The following ZNF136 variants were observed in gnomAD, a reference collection of about 807,000 sequenced individuals.
ZNF136 encodes zinc finger protein 136, also known as zinc finger protein 136 (clone pHZ-20).
A neutral mutation model predicts 11.4 loss-of-function variants in ZNF136; 8 were observed. The ratio of observed to expected loss-of-function variants is 0.70; its 90% CI spans 0.41 to 1.27. The LOEUF (loss-of-function observed/expected upper bound fraction) is 1.27, where lower values mean the gene tolerates loss of function less well. Ranked by LOEUF, ZNF136 falls within the 50% of genes most tolerant of loss-of-function variation. The probability of loss-of-function intolerance (pLI) is 0.01; values close to 1 mark genes in which losing one functional copy is unlikely to be tolerated. For synonymous variants in ZNF136, 190 were observed against 207.1 expected (o/e 0.92, Z 0.71); for missense variants, 590 against 656.5 (o/e 0.90, Z 1.11).
rs182459600 is a variant in ZNF136, at chr19:12,183,963, C to A, written c.4-1822C>A. Among the ~76,000 whole-genome samples the A allele has an allele frequency of 3.5e-3, 529 of 152,274 alleles. 8 individuals carry two copies. In the East Asian group the frequency reaches 0.039, roughly 11 times the overall value. ...TGGTGAATTCACCAATTTATTTTCA[C>A]CAATTTAGTGAAGATTCATCAAGCT... On this transcript the variant is annotated intron_variant, in intron 1 of 3. Coordinates refer to ENST00000343979, the MANE Select transcript of ZNF136 (RefSeq NM_003437.5).
At chr19:12,178,942 T>G (rs1914866871) in intron 1 of ZNF136, among the ~76,000 whole-genome samples, 1 of 150,836 alleles carries the variant, frequency 6.6e-6, no homozygotes, top group Non-Finnish European at 1.5e-5. Context: ...TGAGCCGAGA[T>G]CATGCCACTG....
At chr19:12,179,948 C>T (rs1914900722) in intron 1 of ZNF136, among the ~76,000 whole-genome samples, 1 of 152,044 alleles carries the variant, frequency 6.6e-6, no homozygotes, top group Non-Finnish European at 1.5e-5. Context: ...TCACTGCAAG[C>T]TCCACCTCCC....
rs767900233 is a variant in ZNF136 at position 12,187,455 on chromosome 19, T to C, written c.1077T>C (p.Thr359=). The stretch of plus-strand genomic sequence containing the variant: ...TTCAAATACATGAAAGGACTCACAC[T>C]GGAGAAAAACCTTATGAATGTAAGG... ...STFQIHERTH[T]GEKPYECKEC... Residue 359 remains threonine (T), a synonymous_variant, in exon 4 of 4, where the codon ACT becomes ACC. Transcript: ENST00000343979. 15 of 1,613,946 alleles carry C rather than the reference T, an allele frequency of 9.3e-6. No individual in the cohort carries two copies. Among genetic ancestry groups the C allele is most frequent in the Middle Eastern group, 1.6e-4 (1 of 6,062 alleles).
Position 12,187,330 on chromosome 19 carries a change from A to G in ZNF136, c.952A>G (p.Ser318Gly), listed in dbSNP as rs1915134694. 2 of 1,614,056 alleles carry G rather than the reference A, an allele frequency of 1.2e-6. No individual in the cohort carries two copies. Among genetic ancestry groups the G allele is most frequent in the Non-Finnish European group, 1.7e-6 (2 of 1,179,980 alleles). The change falls in exon 4 of 4, where the codon AGT (serine) becomes GGT (glycine). Residue 318 changes from serine (S) to glycine (G), a missense_variant. By Grantham distance (56) the Ser-to-Gly change is moderately conservative. Transcript: ENST00000343979. ...YECKQCGKAF[S>G]YLPSLRLHER... ...ATGCAAGCAGTGTGGGAAGGCCTTC[A>G]GTTATCTCCCCTCCCTTCGACTACA...
intron 1 of ZNF136, among the ~76,000 whole-genome samples, chr19:12,170,349 G>A (rs1332670637): frequency 6.6e-6 from 1 of 151,922 alleles, no homozygotes; most frequent in African/African-American, 2.4e-5. Context: ...TGTTGCCAAT[G>A]TAATTGTTGT....
At chr19:12,163,397 G>A (rs269811) in intron 1 of ZNF136, among the ~76,000 whole-genome samples, 191 bp downstream of exon 1, 7,090 of 152,322 alleles carry the variant, frequency 0.047, 537 homozygotes, top group African/African-American at 0.16. Flanking sequence ...GACCCCGGGC[G>A]TCCTCGTCCC....
rs1915107826 is a variant in ZNF136, at chr19:12,186,851, A to G, written c.473A>G (p.His158Arg). 1.9e-6 allele frequency: 3 copies of G among 1,614,040 alleles called. No homozygotes were observed. Among genetic ancestry groups the G allele is most frequent in the Admixed American group, 1.7e-5 (1 of 59,996 alleles). Residue 158 changes from histidine (H) to arginine (R), a missense_variant, in exon 4 of 4, where the codon CAT becomes CGT. Transcript: ENST00000343979. ...AGTTCTCACCACTCCTTTCGAACAC[A>G]TGAGATAATTCACACTGGAGAGAAA... ...PFSSHHSFRT[H>R]EIIHTGEKLY...
intron 1 of ZNF136, among the ~76,000 whole-genome samples, chr19:12,183,827 C>T (rs565617884): frequency 2.0e-5 from 3 of 152,136 alleles, no homozygotes; most frequent in Non-Finnish European, 2.9e-5. Context: ...ATGTTGAATT[C>T]CTGGGCTCAA....
intron 2 of ZNF136, 45 bp from the exon 3 acceptor site, chr19:12,186,069 T>C (rs759895051): frequency 6.3e-7 from 1 of 1,593,486 alleles, no homozygotes; most frequent in South Asian, 1.2e-5. Context: ...ATAATTTTTC[T>C]ATAATTTTGC....
intron 1 of ZNF136, among the ~76,000 whole-genome samples, chr19:12,172,663 A>C (rs1914688552): frequency 6.6e-6 from 1 of 152,220 alleles, no homozygotes; most frequent in African/African-American, 2.4e-5. Context: ...CAATTAGGTG[A>C]GACTCGGAGG....
rs200758944 is a variant in ZNF136 at position 12,179,908 on chromosome 19, C to T, written c.4-5877C>T. Among the ~76,000 whole-genome samples, 16 of 151,966 alleles carry T rather than the reference C, an allele frequency of 1.1e-4. No individual in the cohort carries two copies. In the East Asian group the frequency reaches 1.9e-3, roughly 18 times the overall value. On this transcript the variant is annotated intron_variant, in intron 1 of 3. Transcript: ENST00000343979. ...TGAGACAGAGTCTGGCTCTGTTGCC[C>T]GGGCTGGAGTGCAGTGGCGCAGTCT...
At position 12,185,012 on chromosome 19, in the gene ZNF136, G is replaced by C. The variant is rs1915048060; in HGVS notation, c.4-773G>C. 3 of 152,176 alleles carry C rather than the reference G, an allele frequency of 2.0e-5. No individual in the cohort carries two copies. The South Asian group carries it at 6.2e-4, about 32-fold the overall frequency. 9.4% of individuals were successfully genotyped at this position (152,176 alleles called of 1,614,324 possible). On this transcript the variant is annotated intron_variant, in intron 1 of 3. Coordinates refer to ENST00000343979, the MANE Select transcript of ZNF136 (RefSeq NM_003437.5). ...ATTCAAGGGCAGGCCAGTGGTGTTA[G>C]ATAACAGTGTTTTATTTAACAGTAC...
chr19:12,173,275 C>CA (rs1230053078), intron 1 of ZNF136, among the ~76,000 whole-genome samples: 4 of 152,154 alleles, frequency 2.6e-5, no homozygotes, highest in African/African-American at 4.8e-5. Flanking sequence ...TTTTCCCACT[C>CA]AATCTATTAG....
Position 12,187,021 on chromosome 19 carries a change from G to C in ZNF136, c.643G>C (p.Glu215Gln), listed in dbSNP as rs751057137. The C allele has an allele frequency of 1.2e-6, 2 of 1,614,104 alleles. No homozygotes were observed. The highest frequency in any genetic ancestry group is 2.2e-5 in the South Asian group (2 of 91,084). ...FDYPSRFRTH[E>Q]RSHTGEKPYE... ...TTATCCCAGTAGATTTCGAACACAT[G>C]AAAGAAGTCACACTGGAGAGAAACC... Residue 215 changes from glutamate (E) to glutamine (Q), a missense_variant, in exon 4 of 4, where the codon GAA (glutamate) becomes CAA (glutamine). Transcript: ENST00000343979.
In ZNF136 at chr19:12,187,157, C is replaced by G. The variant is rs770046992; in HGVS notation, c.779C>G (p.Pro260Arg). Residue 260 changes from proline (P) to arginine (R), a missense_variant, in exon 4 of 4, where the codon CCC becomes CGC. Pro to Arg is a moderately radical substitution (Grantham distance 103, BLOSUM62 -2). Coordinates refer to ENST00000343979, the MANE Select transcript of ZNF136 (RefSeq NM_003437.5). ...TATAAATGTAAGGTATGTGGGAAAC[C>G]CTTTCATTCTCTGAGTTCATTTCAA... Reference protein sequence around the residue: ...GPYKCKVCGKPFHSLSSFQVH... With the variant: ...GPYKCKVCGKRFHSLSSFQVH... 2 of 1,613,976 alleles carry G rather than the reference C, an allele frequency of 1.2e-6. No individual in the cohort carries two copies. Among genetic ancestry groups the G allele is most frequent in the South Asian group, 1.1e-5 (1 of 91,072 alleles).
At position 12,166,223 on chromosome 19, in the gene ZNF136, G is replaced by A. The variant is rs147087549; in HGVS notation, c.3+3017G>A. Among the ~76,000 whole-genome samples the A allele has an allele frequency of 3.5e-3, 516 of 146,702 alleles. 2 individuals are homozygous for A. The highest frequency in any genetic ancestry group is 5.6e-3 in the Non-Finnish European group (377 of 67,522). ...AGCCTGGGTGACAGAGCAAGACTCC[G>A]TCTCAAAAAAAAAAAGAAAAAAAAT... On this transcript the variant is annotated intron_variant, in intron 1 of 3. Coordinates refer to ENST00000343979, the MANE Select transcript of ZNF136 (RefSeq NM_003437.5).
rs545285204 is a variant in ZNF136 at position 12,164,302 on chromosome 19, C to T, written c.3+1096C>T. ...TTTTTTGTGTGTTTTGAAAGAGTCT[C>T]GCTCTGTCGCCTAGGCTGGAGTGCA... On this transcript the variant is annotated intron_variant, in intron 1 of 3. Transcript: ENST00000343979. Among the ~76,000 whole-genome samples the T allele has an allele frequency of 4.6e-5, 7 of 152,270 alleles. No homozygotes were observed. The East Asian group carries it at 5.8e-4, about 13-fold the overall frequency.
intron 1 of ZNF136, among the ~76,000 whole-genome samples, chr19:12,165,408 G>C (rs577571078): frequency 5.3e-5 from 8 of 152,186 alleles, no homozygotes; most frequent in Non-Finnish European, 1.0e-4. Flanking sequence ...TCATTTAGTT[G>C]AAAGTGCATT....
intron 1 of ZNF136, among the ~76,000 whole-genome samples, chr19:12,168,193 C>T (rs1255661235): frequency 1.3e-5 from 2 of 150,942 alleles, no homozygotes; most frequent in African/African-American, 2.4e-5. Context: ...CTGCCTCAGC[C>T]TCCCAAGTAG....
Sources: allele counts gnomAD v4.1 joint callset (sites outside exome capture counted in the v4.1 genomes callset), GRCh38; gene constraint gnomAD v4.1.1; transcripts MANE v1.5; gene names NCBI Gene and HGNC (gene_info 2026-07-23, HGNC 2026-07-21).